FLNB: variants seen among roughly 807,000 people sequenced by gnomAD.
FLNB encodes the protein filamin B.
A neutral mutation model predicts 250.6 loss-of-function variants in FLNB; 111 were observed. That is an observed-to-expected ratio of 0.44 (90% CI 0.38 to 0.52). The LOEUF (loss-of-function observed/expected upper bound fraction) is 0.52, where lower values mean the gene tolerates loss of function less well. Among genes scored for constraint, FLNB ranks in the 20% least tolerant of loss-of-function variants. The pLI, the probability that FLNB is intolerant of heterozygous loss-of-function variation, is 0.00. For missense variants in FLNB, 2,869 were observed against 3,447.8 expected (o/e 0.83, Z 4.20); for synonymous variants, 1,302 against 1,372.1 (o/e 0.95, Z 1.13).
At position 58,130,901 on chromosome 3, in the gene FLNB, C is replaced by T; in HGVS notation, c.4383C>T (p.Gly1461=). The T allele has an allele frequency of 6.2e-7, 1 of 1,610,728 alleles. No individual in the cohort carries two copies. The highest frequency in any genetic ancestry group is 8.5e-7 in the Non-Finnish European group (1 of 1,178,942). The change falls in exon 25 of 46, where the codon GGC becomes GGT. Residue 1461 remains glycine, a synonymous_variant. Transcript: ENST00000295956. ...CTCCGCTGGAAGTGAGGGTTCTGGG[C>T]CCACGAGGTAAGTGTGCACCCTGCC... The part of the protein sequence containing the change: ...GLAPLEVRVL[G]PRGLVEPVNV...
chr3:58,078,922 G>T, intron 3 of FLNB, 108 bp downstream of exon 3: 1 of 747,030 alleles, frequency 1.3e-6, no homozygotes. Flanking sequence ...TGAGACTTCA[G>T]AGAGCATTGC....
chr3:58,116,107 A>G (rs2097277376), intron 18 of FLNB, among the ~76,000 whole-genome samples: 1 of 152,060 alleles, frequency 6.6e-6, no homozygotes. Flanking sequence ...TGGCCTAAGA[A>G]CGTTGTAATC....
intron 1 of FLNB, among the ~76,000 whole-genome samples, chr3:58,053,831 G>A (rs753855113): frequency 2.0e-5 from 3 of 152,098 alleles, no homozygotes; most frequent in Admixed American, 6.6e-5. Context: ...AATTTTACAG[G>A]CCCTGTGCTA....
chr3:58,062,391 T>A (rs2097179928), intron 1 of FLNB, among the ~76,000 whole-genome samples: 1 of 152,244 alleles, frequency 6.6e-6, no homozygotes, highest in South Asian at 2.1e-4. Flanking sequence ...CTTGCTTGAA[T>A]GTAAAGTTTA....
At chr3:58,061,086 G>A (rs182520125) in intron 1 of FLNB, among the ~76,000 whole-genome samples, 13 of 152,268 alleles carry the variant, frequency 8.5e-5, no homozygotes, top group African/African-American at 2.9e-4. Context: ...AGGTAACATT[G>A]CACTAGCGAT....
chr3:58,071,527 C>T (rs2097194559), intron 1 of FLNB, among the ~76,000 whole-genome samples: 1 of 152,138 alleles, frequency 6.6e-6, no homozygotes, highest in Non-Finnish European at 1.5e-5. Flanking sequence ...GATCCTCCTG[C>T]CTCGGCCTCC....
intron 1 of FLNB, among the ~76,000 whole-genome samples, chr3:58,037,755 A>G (rs1200043405): frequency 6.6e-6 from 1 of 152,168 alleles, no homozygotes; most frequent in Non-Finnish European, 1.5e-5. Context: ...TCCAGGTGCC[A>G]GTATTATTTT....
At position 58,169,857 on chromosome 3, in the gene FLNB, C is replaced by T. The variant is rs1331446481; in HGVS notation, c.7621+64C>T. ...GGGCAGGCTGGGCACCCTGGGTACA[C>T]TGGCCTTCCCTGCTGAGGTCTCCTG... is the stretch of plus-strand genomic sequence containing the variant. On this transcript the variant is annotated intron_variant, in intron 45 of 45. Transcript: ENST00000295956. The surrounding 1 kb of genome is among the most constrained non-coding windows in gnomAD (Gnocchi z 4.8). 2.9e-6 allele frequency: 4 copies of T among 1,371,082 alleles called. No individual in the cohort carries two copies. Among genetic ancestry groups the T allele is most frequent in the East Asian group, 2.4e-5 (1 of 42,472 alleles). The allele number at this position is 1,371,082 out of a possible 1,614,324, so 84.9% of individuals were successfully genotyped here.
At chr3:58,156,992 T>A (rs2097354362) in intron 41 of FLNB, among the ~76,000 whole-genome samples, 1 of 152,224 alleles carries the variant, frequency 6.6e-6, no homozygotes, top group Non-Finnish European at 1.5e-5. Flanking sequence ...CCACTGTGCC[T>A]GGCCAGAACC....
Position 58,148,764 on chromosome 3 carries a change from C to T in FLNB, c.6003C>T (p.Asp2001=), listed in dbSNP as rs184065600. 77 of 1,614,030 alleles carry T rather than the reference C, an allele frequency of 4.8e-5. No individual in the cohort carries two copies. The highest frequency in any genetic ancestry group is 1.1e-4 in the African/African-American group (8 of 75,024). ...SIMVVQSEIG[D]ARRAKVYGRG... ...TGGTGGTCCAGTCGGAGATTGGTGACGCCCGCCGAGCCAAAGTCTATGGCC... is the reference window on the plus strand; with the variant it reads ...TGGTGGTCCAGTCGGAGATTGGTGATGCCCGCCGAGCCAAAGTCTATGGCC... The change falls in exon 36 of 46, where the codon GAC becomes GAT. Residue 2001 remains aspartate, a synonymous_variant. Coordinates refer to ENST00000295956, the MANE Select transcript of FLNB (RefSeq NM_001457.4).
intron 1 of FLNB, among the ~76,000 whole-genome samples, chr3:58,043,263 T>G (rs973686878): frequency 6.7e-6 from 1 of 150,302 alleles, no homozygotes; most frequent in African/African-American, 2.5e-5. Flanking sequence ...GCCTCCCAAG[T>G]AGTTGGGACT....
chr3:58,130,618 A>AG, intron 24 of FLNB, 123 bp from the exon 25 acceptor site: 1 of 862,376 alleles, frequency 1.2e-6, no homozygotes, highest in South Asian at 1.5e-5. Flanking sequence ...ACAGTGAGGC[A>AG]GGGGGAGCTG....
rs570803947 is a variant in FLNB at position 58,115,061 on chromosome 3, T to A, written c.2745+2743T>A. Among the ~76,000 whole-genome samples the A allele has an allele frequency of 2.0e-5, 3 of 152,346 alleles. No individual in the cohort carries two copies. The Middle Eastern group carries it at 0.01, about 518-fold the overall frequency. ...TAAACGCGGCTTCTTATCTCCAGACTTGCTCTTCCTGTGCTTTAAAATAAA... is the reference window on the plus strand; with the variant it reads ...TAAACGCGGCTTCTTATCTCCAGACATGCTCTTCCTGTGCTTTAAAATAAA... On this transcript the variant is annotated intron_variant, in intron 18 of 45. Coordinates refer to ENST00000295956, the MANE Select transcript of FLNB (RefSeq NM_001457.4).
At position 58,076,358 on chromosome 3, in the gene FLNB, G is replaced by A. The variant is rs186806470; in HGVS notation, c.293-688G>A. Among the ~76,000 whole-genome samples the A allele has an allele frequency of 6.1e-3, 934 of 152,010 alleles. 6 individuals carry two copies. The highest frequency in any genetic ancestry group is 9.4e-3 in the Non-Finnish European group (638 of 68,018). On this transcript the variant is annotated intron_variant, in intron 1 of 45. Coordinates refer to ENST00000295956, the MANE Select transcript of FLNB (RefSeq NM_001457.4). ...TATACACATACACACGTGCACACACGCATACACACACAATCTGGTAGGCTG... is the reference window on the plus strand; with the variant it reads ...TATACACATACACACGTGCACACACACATACACACACAATCTGGTAGGCTG...
intron 1 of FLNB, among the ~76,000 whole-genome samples, chr3:58,043,155 T>G (rs1184585101): frequency 8.1e-5 from 12 of 148,584 alleles, no homozygotes; most frequent in Admixed American, 6.0e-4. Flanking sequence ...TTTTTTTTTT[T>G]TTTTTTTTTG....
chr3:58,170,407 C>T lies in FLNB; in HGVS notation c.7622-168C>T, dbSNP rs114958763. Reference sequence around the variant, plus strand: ...CAAGTGGCAGGGCAGGGATTCGAACCCACACCGTCAGGCTCTATGAGCCTC... The same window carrying T: ...CAAGTGGCAGGGCAGGGATTCGAACTCACACCGTCAGGCTCTATGAGCCTC... On this transcript the variant is annotated intron_variant, in intron 45 of 45. Transcript: ENST00000295956. 4.4e-3 allele frequency: 2,898 copies of T among 654,902 alleles called. 54 individuals carry two copies. In the African/African-American group the frequency reaches 0.047, roughly 11 times the overall value. 40.6% of individuals were successfully genotyped at this position (654,902 alleles called of 1,614,324 possible).
rs151259375 is a variant in FLNB at position 58,110,139 on chromosome 3, G to A, written c.2453G>A (p.Arg818Gln). 2,506 of 1,614,190 alleles carry A rather than the reference G, an allele frequency of 1.6e-3. 6 individuals carry two copies. The highest frequency in any genetic ancestry group is 2.0e-3 in the Non-Finnish European group (2,366 of 1,180,026). ...AAATATGTGCCTCCTGCTGCTGGGC[G>A]ATACACTATCAAAGTTCTCTTTGCA... ...TVKYVPPAAG[R>Q]YTIKVLFASQ... Residue 818 changes from arginine (R) to glutamine (Q), a missense_variant, in exon 16 of 46, where the codon CGA (arginine) becomes CAA (glutamine). Coordinates refer to ENST00000295956, the MANE Select transcript of FLNB (RefSeq NM_001457.4).
At chr3:58,089,438 C>A (rs1256259413) in intron 4 of FLNB, among the ~76,000 whole-genome samples, 1 of 150,394 alleles carries the variant, frequency 6.6e-6, no homozygotes, top group East Asian at 2.0e-4. Flanking sequence ...CCCAGCTACT[C>A]GGGAGGCTGA....
chr3:58,136,164 C>T lies in FLNB; in HGVS notation c.4857C>T (p.Ala1619=). 1.2e-6 allele frequency: 2 copies of T among 1,614,154 alleles called. No homozygotes were observed. Among genetic ancestry groups the T allele is most frequent in the African/African-American group, 1.3e-5 (1 of 75,056 alleles). Residue 1619 remains alanine, a synonymous_variant, in exon 28 of 46, where the codon GCC becomes GCT. Coordinates refer to ENST00000295956, the MANE Select transcript of FLNB (RefSeq NM_001457.4). ...TQTGDASKCL[A]TGPGIASTVK... is the part of the protein sequence containing the mutation. ...CGGGTGATGCCAGCAAGTGCCTGGCCACGGGTGAGTACAGGGCATCTCAAG... is the reference window on the plus strand; with the variant it reads ...CGGGTGATGCCAGCAAGTGCCTGGCTACGGGTGAGTACAGGGCATCTCAAG...
Sources: allele counts gnomAD v4.1 joint callset (sites outside exome capture counted in the v4.1 genomes callset), GRCh38; gene constraint gnomAD v4.1.1; non-coding constraint Gnocchi (gnomAD v3.1); transcripts MANE v1.5; gene names NCBI Gene and HGNC (gene_info 2026-07-23, HGNC 2026-07-21).